Variants in TNNI3K observed in about 807,000 individuals in gnomAD.
TNNI3K encodes the protein serine/threonine-protein kinase TNNI3K.
Under a neutral mutation model 114.5 loss-of-function variants are expected in TNNI3K, and 140 were observed. The observed-to-expected ratio is 1.22, with a 90% CI of 1.07 to 1.41. TNNI3K has a LOEUF of 1.41. Among genes scored for constraint, TNNI3K ranks in the 40% most tolerant of loss-of-function variants. TNNI3K has a pLI of 0.00. For missense variants in TNNI3K, 1,125 were observed against 1,007.6 expected (o/e 1.12, Z -1.58); for synonymous variants, 347 against 347.5 (o/e 1.00, Z 0.02).
intron 20 of TNNI3K, among the ~76,000 whole-genome samples, chr1:74,454,620 G>T (rs944658930): frequency 6.6e-6 from 1 of 152,080 alleles, no homozygotes; most frequent in African/African-American, 2.4e-5. Context: ...TTTATCTACT[G>T]ATGTACATTT....
intron 6 of TNNI3K, among the ~76,000 whole-genome samples, chr1:74,333,981 A>G (rs920442282): frequency 6.6e-6 from 1 of 152,202 alleles, no homozygotes; most frequent in Non-Finnish European, 1.5e-5. Flanking sequence ...TCTGCCCATT[A>G]GCCAACAAAG....
chr1:74,244,027 C>T (rs3765654), intron 2 of TNNI3K, among the ~76,000 whole-genome samples: 1 of 151,902 alleles, frequency 6.6e-6, no homozygotes, highest in East Asian at 1.9e-4. Flanking sequence ...TGGAATTTCT[C>T]TCCTAGGAAT....
intron 13 of TNNI3K, 48 bp from the exon 14 acceptor site, chr1:74,368,974 G>C: frequency 1.3e-6 from 2 of 1,482,194 alleles, no homozygotes; most frequent in Non-Finnish European, 1.8e-6. Flanking sequence ...ACACATCCAT[G>C]TGTGTGGTTT....
At chr1:74,381,067 T>C (rs1663179907) in intron 17 of TNNI3K, among the ~76,000 whole-genome samples, 1 of 152,162 alleles carries the variant, frequency 6.6e-6, no homozygotes, top group African/African-American at 2.4e-5. Flanking sequence ...TAAAGTCTCA[T>C]TTAATATTTT....
chr1:74,391,957 A>ATTTTTTTTTTTTTTT lies in TNNI3K; in HGVS notation c.1772+21577_1772+21591dup, dbSNP rs34656417. Among the ~76,000 whole-genome samples, 94 of 93,034 alleles carry ATTTTTTTTTTTTTTT rather than the reference A, an allele frequency of 1.0e-3. 9 individuals carry two copies. The highest frequency in any genetic ancestry group is 2.8e-3 in the African/African-American group (72 of 25,698). The allele number at this position is 93,034 out of a possible 152,430, so 61.0% of individuals were successfully genotyped here. On this transcript the variant is annotated intron_variant, in intron 17 of 24. Coordinates refer to ENST00000326637, the MANE Select transcript of TNNI3K (RefSeq NM_015978.3). ...TTGATTTAGGATGGTACAGCTTATTATTTTTTTTTTTTTTTTTTTTTTTTT... is the reference window on the plus strand; with the variant it reads ...TTGATTTAGGATGGTACAGCTTATTATTTTTTTTTTTTTTTTTTTTTTTTTTTTTTTTTTTTTTTT...
intron 17 of TNNI3K, among the ~76,000 whole-genome samples, chr1:74,430,742 T>C (rs566884839): frequency 6.6e-6 from 1 of 152,282 alleles, no homozygotes; most frequent in Non-Finnish European, 1.5e-5. Flanking sequence ...TGCTTCATGG[T>C]AAAAGACAAA....
intron 17 of TNNI3K, among the ~76,000 whole-genome samples, chr1:74,400,459 C>T (rs925896387): frequency 6.6e-6 from 1 of 152,220 alleles, no homozygotes; most frequent in Admixed American, 6.5e-5. Flanking sequence ...AACTGTTATG[C>T]ATGATCTCCT....
intron 4 of TNNI3K, among the ~76,000 whole-genome samples, chr1:74,254,162 AT>A (rs936196244): frequency 5.9e-5 from 9 of 151,814 alleles, no homozygotes; most frequent in East Asian, 1.9e-4. Context: ...CATTTCCATT[AT>A]TTTTTTTTAG....
intron 20 of TNNI3K, among the ~76,000 whole-genome samples, chr1:74,440,701 T>C (rs1006104405): frequency 1.3e-5 from 2 of 152,158 alleles, no homozygotes; most frequent in African/African-American, 4.8e-5. Context: ...AATTTTTCTC[T>C]ACATATTTTC....
chr1:74,378,724 C>T (rs1350250475), intron 17 of TNNI3K: 1 of 145,680 alleles, frequency 6.9e-6, no homozygotes, highest in African/African-American at 2.5e-5. Context: ...ACGCTGAGGG[C>T]TTGGCATTGG....
chr1:74,443,162 C>T (rs1461168623), intron 20 of TNNI3K, among the ~76,000 whole-genome samples: 2 of 151,762 alleles, frequency 1.3e-5, no homozygotes, highest in African/African-American at 4.8e-5. Flanking sequence ...TAACCTACAT[C>T]AGAGTGAACT....
Position 74,544,146 on chromosome 1 carries a change from TGGATTTGTGCCTAA to T in TNNI3K, c.*168_*181del, listed in dbSNP as rs1646760527. ...TTAATTCCCCACTATTAGCAGGCTT[TGGATTTGTGCCTAA>T]GGAATAATATGCAAAAGAACCAAGA... On this transcript the variant is annotated 3_prime_UTR_variant, in exon 25 of 25. Transcript: ENST00000326637. 1 of 636,336 alleles carries T rather than the reference TGGATTTGTGCCTAA, an allele frequency of 1.6e-6. No individual in the cohort carries two copies. Among genetic ancestry groups the T allele is most frequent in the Non-Finnish European group, 2.5e-6 (1 of 393,482 alleles). 39.4% of individuals were successfully genotyped at this position (636,336 alleles called of 1,614,324 possible). A position where few individuals can be genotyped will look rare whatever the true frequency, so the allele number is the denominator to read the frequency against.
chr1:74,470,553 T>C (rs978004581), intron 21 of TNNI3K: 5 of 400,608 alleles, frequency 1.2e-5, no homozygotes, highest in African/African-American at 2.1e-5. Flanking sequence ...GAATTGAATT[T>C]GTCTTCATAA....
At chr1:74,309,549 A>G (rs1658862667) in intron 5 of TNNI3K, among the ~76,000 whole-genome samples, 1 of 151,992 alleles carries the variant, frequency 6.6e-6, no homozygotes, top group Non-Finnish European at 1.5e-5. Context: ...CATATATATA[A>G]AAGTCTTCAA....
At chr1:74,490,728 G>A (rs1005605294) in intron 22 of TNNI3K, among the ~76,000 whole-genome samples, 1 of 152,142 alleles carries the variant, frequency 6.6e-6, no homozygotes. Context: ...AAGGCCAAGA[G>A]GGAGCTACTC....
intron 5 of TNNI3K, among the ~76,000 whole-genome samples, chr1:74,274,806 G>T (rs1656569645): frequency 1.3e-5 from 2 of 152,024 alleles, no homozygotes; most frequent in Admixed American, 1.3e-4. Flanking sequence ...GCTTAGCCTA[G>T]CTGACATTAA....
intron 9 of TNNI3K, among the ~76,000 whole-genome samples, chr1:74,349,969 C>T (rs1661245071): frequency 6.6e-6 from 1 of 152,116 alleles, no homozygotes; most frequent in African/African-American, 2.4e-5. Context: ...GTCTCCATTT[C>T]CTGCAGTTCT....
At chr1:74,438,804 A>T (rs1166090652) in intron 19 of TNNI3K, among the ~76,000 whole-genome samples, 2 of 152,134 alleles carry the variant, frequency 1.3e-5, no homozygotes, top group Non-Finnish European at 2.9e-5. Context: ...AGAACTTTGT[A>T]CGGAGGGACT....
At chr1:74,438,687 A>G (rs141320330) in intron 19 of TNNI3K, among the ~76,000 whole-genome samples, 1 of 152,062 alleles carries the variant, frequency 6.6e-6, no homozygotes, top group Admixed American at 6.6e-5. Flanking sequence ...ACTAGAAATC[A>G]ACCAAATTTA....
Sources: gnomAD v4.1 joint callset for allele counts (sites outside exome capture counted in the v4.1 genomes callset) on GRCh38, gnomAD v4.1.1 for gene constraint, MANE v1.5 for transcripts, NCBI Gene and HGNC (gene_info 2026-07-23, HGNC 2026-07-21) for gene names.